AHDC1: variants seen among roughly 807,000 people sequenced by gnomAD.
AHDC1 encodes the protein transcription factor Gibbin.
In AHDC1, 7 loss-of-function variants were observed where a neutral mutation model predicts 87.9. That is an observed-to-expected ratio of 0.08 (90% CI 0.05 to 0.15). The LOEUF is 0.15. Ranked by LOEUF, AHDC1 falls within the 10% of genes least tolerant of loss-of-function variation. The pLI, the probability that AHDC1 is intolerant of heterozygous loss-of-function variation, is 1.00. For synonymous variants in AHDC1, 1,051 were observed against 1,006.8 expected, an observed-to-expected ratio of 1.04 and a Z score of -0.83; for missense variants, 1,841 against 2,253.2, an observed-to-expected ratio of 0.82 and a Z score of 3.70.
At position 27,547,328 on chromosome 1, in the gene AHDC1, G is replaced by A; in HGVS notation, c.4788C>T (p.Asp1596=). The A allele has an allele frequency of 6.5e-7, 1 of 1,549,382 alleles. No individual in the cohort carries two copies. Among genetic ancestry groups the A allele is most frequent in the Admixed American group, 2.1e-5 (1 of 48,586 alleles). The part of the protein sequence containing the change: ...LGPMAEPHPE[D]TFTVTSL ...ACTACAGGGATGTGACGGTGAATGT[G>A]TCCTCGGGGTGAGGTTCCGCCATGG... Residue 1596 remains aspartate, a synonymous_variant, in exon 8 of 9, where the codon GAC becomes GAT. Transcript: ENST00000673934. The surrounding 1 kb of genome is among the most constrained non-coding windows in gnomAD (Gnocchi z 4.9).
Position 27,549,704 on chromosome 1 carries a change from A to G in AHDC1, c.2412T>C (p.Thr804=). The change falls in exon 8 of 9, where the codon ACT becomes ACC. Residue 804 remains threonine, a synonymous_variant. Coordinates refer to ENST00000673934, the MANE Select transcript of AHDC1 (RefSeq NM_001371928.1). ...GGCCTGAGGCTCCACTCTCCAGCCC[A>G]GTGGAGGCAAAGGCCCGGGCCTCGG... ...QGTEARAFAS[T]GLESGASGRG... The G allele has an allele frequency of 6.2e-7, 1 of 1,613,048 alleles. No homozygotes were observed. Among genetic ancestry groups the G allele is most frequent in the Non-Finnish European group, 8.5e-7 (1 of 1,180,002 alleles).
chr1:27,589,568 CTG>C (rs1285059191), intron 3 of AHDC1, among the ~76,000 whole-genome samples: 1 of 152,168 alleles, frequency 6.6e-6, no homozygotes, highest in Non-Finnish European at 1.5e-5. Context: ...GCTTTTGAGA[CTG>C]TGGGTCTAGG....
In AHDC1 at chr1:27,551,391, G is replaced by A; in HGVS notation, c.725C>T (p.Ala242Val). Reference sequence around the variant, plus strand: ...GGAGGCCAGCTCACTAAGGATGTCGGCGTCAGCAAGTTCTGAGTAATCAGT... The same window carrying A: ...GGAGGCCAGCTCACTAAGGATGTCGACGTCAGCAAGTTCTGAGTAATCAGT... ...DSTDYSELADADILSELASLT... is the reference protein window; with the variant it reads ...DSTDYSELADVDILSELASLT... The change falls in exon 8 of 9, where the codon GCC becomes GTC. Residue 242 changes from alanine to valine, a missense_variant. By Grantham distance (64) the Ala-to-Val change is moderately conservative (BLOSUM62 0). Transcript: ENST00000673934. 1 of 1,613,746 alleles carries A rather than the reference G, an allele frequency of 6.2e-7. No individual in the cohort carries two copies. Among genetic ancestry groups the A allele is most frequent in the Non-Finnish European group, 8.5e-7 (1 of 1,179,956 alleles).
chr1:27,574,384 CCTTA>C (rs72224925), intron 3 of AHDC1, among the ~76,000 whole-genome samples: 10,402 of 152,174 alleles, frequency 0.068, 874 homozygotes, highest in African/African-American at 0.2. Flanking sequence ...CATTTCCCAC[CCTTA>C]CTATGTGCAG....
At chr1:27,538,375 C>A (rs2018741916) in intron 8 of AHDC1, among the ~76,000 whole-genome samples, 2 of 140,020 alleles carry the variant, frequency 1.4e-5, no homozygotes, top group East Asian at 4.0e-4. Context: ...TCCACTCCAG[C>A]CTGGGTGACA....
chr1:27,536,023 G>A (rs767576366), intron 8 of AHDC1, among the ~76,000 whole-genome samples: 1 of 151,898 alleles, frequency 6.6e-6, no homozygotes, highest in African/African-American at 2.4e-5. Flanking sequence ...CTCAGTGTGC[G>A]ACCATCTCCA....
rs199696442 is a variant in AHDC1 at position 27,551,112 on chromosome 1, T to C, written c.1004A>G (p.Asp335Gly). 3.2e-6 allele frequency: 5 copies of C among 1,580,916 alleles called. No individual in the cohort carries two copies. In the East Asian group the frequency reaches 1.1e-4, roughly 36 times the overall value. The stretch of plus-strand genomic sequence containing the variant: ...GACGTCAAGCAGCTTGGGCAGGGGG[T>C]CGAGTGCCTGGGGGTCAAGCAGCTG... ...ESQLLDPQAL[D>G]PLPKLLDVPG... The change falls in exon 8 of 9, where the codon GAC becomes GGC. Residue 335 changes from aspartate to glycine, a missense_variant. Asp to Gly is a moderately conservative substitution (Grantham distance 94, BLOSUM62 -1). Transcript: ENST00000673934.
intron 8 of AHDC1, among the ~76,000 whole-genome samples, chr1:27,540,741 A>C (rs1382813328): frequency 6.6e-6 from 1 of 151,938 alleles, no homozygotes; most frequent in African/African-American, 2.4e-5. Context: ...GTTTCCACAC[A>C]TGCTCCTGGC....
intron 3 of AHDC1, among the ~76,000 whole-genome samples, chr1:27,575,363 G>A (rs986734579): frequency 2.6e-5 from 4 of 152,080 alleles, no homozygotes; most frequent in African/African-American, 9.7e-5. Context: ...CGCGCAAGCC[G>A]GGAGGGGCGG....
At chr1:27,554,792 C>G (rs1571253670) in intron 5 of AHDC1, among the ~76,000 whole-genome samples, 1 of 152,202 alleles carries the variant, frequency 6.6e-6, no homozygotes, top group Non-Finnish European at 1.5e-5. Flanking sequence ...AGAGCTGACT[C>G]GGGGACAGGA....
In AHDC1 at chr1:27,548,707, T is replaced by C. The variant is rs1244656829; in HGVS notation, c.3409A>G (p.Ser1137Gly). Residue 1137 changes from serine (S) to glycine (G), a missense_variant, in exon 8 of 9, where the codon AGC (serine) becomes GGC (glycine). Around this residue, in one of 13 missense-constraint regions of AHDC1, gnomAD observed 378 missense variants for 399.0 expected, o/e 0.95. Coordinates refer to ENST00000673934, the MANE Select transcript of AHDC1 (RefSeq NM_001371928.1). ...LYNPSFDCHVSEPNVILDISN... is the reference protein window; with the variant it reads ...LYNPSFDCHVGEPNVILDISN... ...ATGTCCAGGATCACGTTGGGCTCGC[T>C]GACGTGGCAGTCAAAACTGGGATTG... 6.2e-7 allele frequency: 1 copy of C among 1,613,344 alleles called. No individual in the cohort carries two copies. Among genetic ancestry groups the C allele is most frequent in the Non-Finnish European group, 8.5e-7 (1 of 1,180,026 alleles).
At chr1:27,569,057 A>C in intron 3 of AHDC1, among the ~76,000 whole-genome samples, 3 of 143,862 alleles carry the variant, frequency 2.1e-5, no homozygotes, top group African/African-American at 7.8e-5. Context: ...CTTGCCACAT[A>C]CTCAAAGCCC....
At chr1:27,580,938 G>A (rs536093491) in intron 3 of AHDC1, among the ~76,000 whole-genome samples, 119 of 152,172 alleles carry the variant, frequency 7.8e-4, no homozygotes, top group Middle Eastern at 3.4e-3. Flanking sequence ...GGGTTCAAGC[G>A]ATTCTCCTGC....
intron 3 of AHDC1, among the ~76,000 whole-genome samples, chr1:27,579,929 T>C (rs573494599): frequency 4.6e-5 from 7 of 152,342 alleles, no homozygotes; most frequent in African/African-American, 1.7e-4. Context: ...CACCTCCTGC[T>C]GTGGTTCTAG....
At chr1:27,567,438 G>A (rs1200379392) in intron 3 of AHDC1, among the ~76,000 whole-genome samples, 1 of 152,162 alleles carries the variant, frequency 6.6e-6, no homozygotes, top group East Asian at 1.9e-4. Flanking sequence ...GTTGTCAAGC[G>A]AGATGTCACT....
rs2019197109 is a variant in AHDC1 at position 27,547,008 on chromosome 1, G to C, written c.*43+253C>G. Among the ~76,000 whole-genome samples the C allele has an allele frequency of 6.6e-6, 1 of 151,980 alleles. No homozygotes were observed. Among genetic ancestry groups the C allele is most frequent in the Non-Finnish European group, 1.5e-5 (1 of 67,984 alleles). On this transcript the variant is annotated intron_variant, in intron 8 of 8. Coordinates refer to ENST00000673934, the MANE Select transcript of AHDC1 (RefSeq NM_001371928.1). This position sits in a 1 kb window ranked among gnomAD's most constrained non-coding sequence, Gnocchi z 4.9. ...GGCCCCATCCAGTGTGTAGTCCTCT[G>C]GCCATTTCAATTCACAAGACCCCCC...
At chr1:27,535,474 T>C (rs1026590040) in intron 8 of AHDC1, among the ~76,000 whole-genome samples, 3 of 152,176 alleles carry the variant, frequency 2.0e-5, no homozygotes, top group Admixed American at 2.0e-4. Context: ...CATGTCATGA[T>C]GAGTTTAGTA....
intron 3 of AHDC1, among the ~76,000 whole-genome samples, chr1:27,600,289 T>C (rs549110783): frequency 6.6e-6 from 1 of 152,028 alleles, no homozygotes; most frequent in South Asian, 2.1e-4. Context: ...CTCCCCACTC[T>C]GTCCCAAGAG....
chr1:27,596,676 T>C (rs939561049), intron 3 of AHDC1, among the ~76,000 whole-genome samples: 1 of 152,116 alleles, frequency 6.6e-6, no homozygotes, highest in South Asian at 2.1e-4. Flanking sequence ...CCCACATGCA[T>C]GCCTGCCACT....
Sources: gnomAD v4.1 joint callset for allele counts (sites outside exome capture counted in the v4.1 genomes callset) on GRCh38, gnomAD v4.1.1 for gene constraint, gnomAD v4.1.1 regional missense constraint, Gnocchi (gnomAD v3.1) non-coding constraint, MANE v1.5 for transcripts, NCBI Gene and HGNC (gene_info 2026-07-23, HGNC 2026-07-21) for gene names.